Variants in RASA3 observed in about 807,000 individuals in gnomAD.
RASA3 encodes the protein ras GTPase-activating protein 3.
Under a neutral mutation model 110.0 loss-of-function variants are expected in RASA3, and 73 were observed. The observed-to-expected ratio is 0.66, with a 90% confidence interval of 0.55 to 0.81. The LOEUF is 0.81. RASA3 is among the 30% of genes least tolerant of loss of function. The pLI, the probability that RASA3 is intolerant of heterozygous loss-of-function variation, is 0.00. For synonymous variants in RASA3, 500 were observed against 451.4 expected, an observed-to-expected ratio of 1.11 and a Z score of -1.37; for missense variants, 976 against 1,113.2, an observed-to-expected ratio of 0.88 and a Z score of 1.75.
In RASA3 at chr13:114,101,766, G is replaced by A. The variant is rs74116475; in HGVS notation, c.56-27929C>T. On this transcript the variant is annotated intron_variant, in intron 1 of 23. Transcript: ENST00000334062. ...CTGTGGCTGCACCCGGGGTCCTGGG[G>A]GTGAGAGGCTTGTGGGCCCTGAAGT... Among the ~76,000 whole-genome samples, 1,392 of 152,314 alleles carry A rather than the reference G, an allele frequency of 9.1e-3. 23 individuals are homozygous for A. The highest frequency in any genetic ancestry group is 0.032 in the African/African-American group (1,324 of 41,556).
intron 1 of RASA3, among the ~76,000 whole-genome samples, chr13:114,098,713 A>G (rs1320513719): frequency 1.3e-5 from 2 of 152,114 alleles, no homozygotes; most frequent in Non-Finnish European, 2.9e-5. Context: ...GGGAAGAAGG[A>G]ACCCCGTGGG....
Position 114,011,038 on chromosome 13 carries a change from T to G in RASA3, c.1590+133A>C. ...TCAGGTCCTGGGTTTCAAGAGAGGA[T>G]GTGGTGCCGGCTTTGATTCTTGATC... On this transcript the variant is annotated intron_variant, in intron 16 of 23. Coordinates refer to ENST00000334062, the MANE Select transcript of RASA3 (RefSeq NM_007368.4). The surrounding 1 kb of genome is among the most constrained non-coding windows in gnomAD (Gnocchi z 4.8). The G allele has an allele frequency of 1.2e-6, 1 of 835,618 alleles. No individual in the cohort carries two copies. The highest frequency in any genetic ancestry group is 1.9e-6 in the Non-Finnish European group (1 of 513,936). 51.8% of individuals were successfully genotyped at this position (835,618 alleles called of 1,614,324 possible). A position where few individuals can be genotyped will look rare whatever the true frequency, so the allele number is the denominator to read the frequency against.
Position 114,132,478 on chromosome 13 carries a change from C to T in RASA3, c.12G>A (p.Glu4=). Residue 4 remains glutamate (E), a synonymous_variant, in exon 1 of 24, where the codon GAG becomes GAA. Transcript: ENST00000334062. MAV[E]DEGLRVFQSV... ...TCTGGAAGACCCGGAGCCCCTCGTC[C>T]TCCACCGCCATGCTGCGCGTCCGCG... 1 of 1,503,078 alleles carries T rather than the reference C, an allele frequency of 6.7e-7. No individual in the cohort carries two copies. Among genetic ancestry groups the T allele is most frequent in the Non-Finnish European group, 8.8e-7 (1 of 1,131,596 alleles). 93.1% of individuals were successfully genotyped at this position (1,503,078 alleles called of 1,614,324 possible).
chr13:113,980,188 CGT>C (rs1312047618), intron 23 of RASA3, among the ~76,000 whole-genome samples: 13 of 136,116 alleles, frequency 9.6e-5, no homozygotes, highest in South Asian at 2.5e-4. Context: ...CCTCCTCCCA[CGT>C]GTGTGCACCA....
At chr13:114,031,990 C>T (rs1010755375) in intron 4 of RASA3, among the ~76,000 whole-genome samples, 2 of 152,178 alleles carry the variant, frequency 1.3e-5, no homozygotes, top group Non-Finnish European at 2.9e-5. Flanking sequence ...CTTCGAGTTC[C>T]TTCAAAAATA....
intron 2 of RASA3, among the ~76,000 whole-genome samples, chr13:114,067,279 C>T (rs2139644491): frequency 6.6e-6 from 1 of 151,954 alleles, no homozygotes; most frequent in South Asian, 2.1e-4. Flanking sequence ...TGGGCCCCCA[C>T]CTGGGGTACT....
At position 114,013,173 on chromosome 13, in the gene RASA3, G is replaced by A; in HGVS notation, c.1481C>T (p.Pro494Leu). Residue 494 changes from proline to leucine, a missense_variant, in exon 15 of 24, where the codon CCC becomes CTC. By Grantham distance (98) the Pro-to-Leu change is moderately conservative (BLOSUM62 -3). Transcript: ENST00000334062. ...LRFFAPAILS[P>L]NLFQLTPHHT... ...GTGCGGCGTGAGCTGGAAGAGGTTG[G>A]GGGAGAGAATGGCGGGCGCAAAGAA... The A allele has an allele frequency of 6.2e-7, 1 of 1,613,582 alleles. No individual in the cohort carries two copies. The highest frequency in any genetic ancestry group is 2.2e-5 in the East Asian group (1 of 44,878).
chr13:113,980,169 G>A (rs556761571), intron 23 of RASA3, among the ~76,000 whole-genome samples: 6 of 139,076 alleles, frequency 4.3e-5, no homozygotes, highest in East Asian at 4.4e-4. Flanking sequence ...CTCCTCCCAC[G>A]TGTGTGCACC....
chr13:113,999,009 C>T (rs538740604), intron 20 of RASA3, among the ~76,000 whole-genome samples: 94 of 152,320 alleles, frequency 6.2e-4, no homozygotes, highest in African/African-American at 2.0e-3. Context: ...CAGAAAAGCA[C>T]GGGCGGGACC....
Position 114,018,210 on chromosome 13 carries a change from G to C in RASA3, c.985C>G (p.Arg329Gly). 1 of 1,553,638 alleles carries C rather than the reference G, an allele frequency of 6.4e-7. No homozygotes were observed. The change falls in exon 11 of 24, where the codon CGG becomes GGG. Residue 329 changes from arginine (R) to glycine (G), a missense_variant. By Grantham distance (125) the Arg-to-Gly change is moderately radical. Coordinates refer to ENST00000334062, the MANE Select transcript of RASA3 (RefSeq NM_007368.4). ...SAAHILGEVCREKQEAAVPLV... is the reference protein window; with the variant it reads ...SAAHILGEVCGEKQEAAVPLV... ...GGGACGGCCGCCTCCTGCTTCTCCC[G>C]GCAAACCTCGCCCAGGATGTGGGCC...
chr13:114,021,487 A>G lies in RASA3; in HGVS notation c.702T>C (p.Ser234=), dbSNP rs757363802. 3 of 1,613,838 alleles carry G rather than the reference A, an allele frequency of 1.9e-6. No individual in the cohort carries two copies. The African/African-American group carries it at 4.0e-5, about 22-fold the overall frequency. Residue 234 remains serine, a synonymous_variant, in exon 9 of 24, where the codon AGT becomes AGC. Transcript: ENST00000334062. ...GGAATTCATCTCCAAACTTCAGGTTACTGGCATTCCAGAGGTCAACTCTGA... is the reference window on the plus strand; with the variant it reads ...GGAATTCATCTCCAAACTTCAGGTTGCTGGCATTCCAGAGGTCAACTCTGA... ...LEIRVDLWNA[S]NLKFGDEFLG...
intron 19 of RASA3, among the ~76,000 whole-genome samples, chr13:114,000,328 G>A (rs896078695): frequency 6.6e-6 from 1 of 152,098 alleles, no homozygotes; most frequent in Non-Finnish European, 1.5e-5. Context: ...CCCAGGCTGG[G>A]CCCAATGCTC....
chr13:114,027,864 CG>C lies in RASA3; in HGVS notation c.512del (p.Thr171SerfsTer15). 1 of 1,613,934 alleles carries C rather than the reference CG, an allele frequency of 6.2e-7. No individual in the cohort carries two copies. Among genetic ancestry groups the C allele is most frequent in the Non-Finnish European group, 8.5e-7 (1 of 1,180,008 alleles). ...NGQCDPYATVTLAGPFRSEAK... is the reference protein window; with the variant it reads ...NGQCDPYATVXLAGPFRSEAK... ...CAACTTGCCTGAAGGGTCCTGCCAG[CG>C]TCACGGTGGCGTAGGGGTCACATTG... On this transcript the variant is annotated frameshift_variant, in exon 6 of 24. Coordinates refer to ENST00000334062, the MANE Select transcript of RASA3 (RefSeq NM_007368.4). LOFTEE classifies it high-confidence loss of function.
At chr13:114,082,288 G>A (rs974100459) in intron 1 of RASA3, among the ~76,000 whole-genome samples, 7 of 152,260 alleles carry the variant, frequency 4.6e-5, no homozygotes, top group African/African-American at 1.4e-4. Context: ...GCGTCTGCAG[G>A]TGCCCTGGTT....
At chr13:113,993,651 T>C (rs1433344367) in intron 21 of RASA3, among the ~76,000 whole-genome samples, 1 of 149,760 alleles carries the variant, frequency 6.7e-6, no homozygotes, top group Non-Finnish European at 1.5e-5. Flanking sequence ...CTATTAAAAA[T>C]ACAAAAATTA....
chr13:114,110,936 T>C (rs1219707697), intron 1 of RASA3, among the ~76,000 whole-genome samples: 1 of 151,616 alleles, frequency 6.6e-6, no homozygotes, highest in East Asian at 1.9e-4. Context: ...TGAGCCACGC[T>C]CTGGTCAGGA....
chr13:114,076,937 G>A (rs1351579826), intron 1 of RASA3, among the ~76,000 whole-genome samples: 2 of 152,028 alleles, frequency 1.3e-5, no homozygotes, highest in South Asian at 2.1e-4. Context: ...GATTTTACTG[G>A]GTTTTTTGTT....
rs764714521 is a variant in RASA3 at position 114,018,113 on chromosome 13, T to C, written c.1082A>G (p.Lys361Arg). Residue 361 changes from lysine to arginine, a missense_variant, in exon 11 of 24, where the codon AAG (lysine) becomes AGG (arginine). Physicochemically the swap from Lys to Arg is conservative, Grantham distance 26. This residue lies in a region of RASA3 where 732 missense variants were observed against 779.7 expected (regional missense o/e 0.94). Coordinates refer to ENST00000334062, the MANE Select transcript of RASA3 (RefSeq NM_007368.4). ...CAGGGTGGGCACTCACTGGGTCCGC[T>C]TCACCTCCGCGCTGGCGATGGCACT... ...FISAIASAEV[K>R]RTQDPNTIFR... is the part of the protein sequence containing the mutation. 2.2e-4 allele frequency: 335 copies of C among 1,543,302 alleles called. No homozygotes were observed. Among genetic ancestry groups the C allele is most frequent in the Non-Finnish European group, 2.9e-4 (328 of 1,142,382 alleles).
At chr13:114,059,238 C>T (rs1224513109) in intron 2 of RASA3, among the ~76,000 whole-genome samples, 1 of 150,272 alleles carries the variant, frequency 6.7e-6, no homozygotes, top group Non-Finnish European at 1.5e-5. Flanking sequence ...GAGGAGCCGC[C>T]GTCAGGCCCT....
Sources: allele counts gnomAD v4.1 joint callset (sites outside exome capture counted in the v4.1 genomes callset), GRCh38; gene constraint gnomAD v4.1.1; regional missense constraint gnomAD v4.1.1; non-coding constraint Gnocchi (gnomAD v3.1); transcripts MANE v1.5; gene names NCBI Gene and HGNC (gene_info 2026-07-23, HGNC 2026-07-21).